ANTXR2: variants seen among roughly 807,000 people sequenced by gnomAD.
The protein encoded by ANTXR2 is anthrax toxin receptor 2.
ANTXR2 carries 44 observed loss-of-function variants against 73.7 expected under a neutral mutation model. That is an observed-to-expected ratio of 0.60 (90% CI 0.47 to 0.77). ANTXR2 has a LOEUF of 0.77. Ranked by LOEUF, ANTXR2 falls within the 30% of genes least tolerant of loss-of-function variation. ANTXR2 has a pLI of 0.00. For missense variants in ANTXR2, 604 were observed against 592.5 expected (o/e 1.02, Z -0.20); for synonymous variants, 217 against 205.9 (o/e 1.05, Z -0.46).
chr4:80,045,046 C>G (rs915413910), intron 7 of ANTXR2, among the ~76,000 whole-genome samples: 1 of 151,620 alleles, frequency 6.6e-6, no homozygotes, highest in African/African-American at 2.4e-5. Context: ...TTTTCAGTTA[C>G]ACACAGTGAA....
At chr4:79,993,760 G>GCGCACACACA (rs71662888) in intron 12 of ANTXR2, among the ~76,000 whole-genome samples, 2,269 of 140,582 alleles carry the variant, frequency 0.016, 22 homozygotes, top group Non-Finnish European at 0.021. Context: ...ACACACACAC[G>GCGCACACACA]CACACACACA....
chr4:80,017,677 T>C (rs1358269544), intron 11 of ANTXR2, among the ~76,000 whole-genome samples: 2 of 152,050 alleles, frequency 1.3e-5, no homozygotes, highest in Admixed American at 1.3e-4. Context: ...AGGTGTAGAA[T>C]AGGAAGAAGG....
upstream of ANTXR2, chr4:80,073,369 A>G (rs1734919650): frequency 6.6e-6 from 1 of 152,310 alleles, no homozygotes; most frequent in Non-Finnish European, 1.5e-5. Context: ...TTAGAAAAAC[A>G]AAAGTTATCT....
chr4:80,051,845 A>C (rs1473784633), intron 7 of ANTXR2, among the ~76,000 whole-genome samples: 1 of 151,724 alleles, frequency 6.6e-6, no homozygotes, highest in African/African-American at 2.4e-5. Context: ...TTTGCTATTA[A>C]GAAATTAATT....
chr4:80,011,270 GCTAT>G (rs34305853), intron 11 of ANTXR2, among the ~76,000 whole-genome samples: 36,619 of 148,968 alleles, frequency 0.25, 4,908 homozygotes, highest in African/African-American at 0.35. Context: ...ACCTGGTCTT[GCTAT>G]CTATCTATCT....
chr4:79,984,837 G>T lies in ANTXR2; in HGVS notation c.1068C>A (p.Pro356=), dbSNP rs72653288. 148,628 of 1,604,504 alleles carry T rather than the reference G, an allele frequency of 0.093. 7,444 individuals are homozygous for T. The highest frequency in any genetic ancestry group is 0.11 in the Non-Finnish European group (124,459 of 1,174,306). The stretch of plus-strand genomic sequence containing the variant: ...CACTTACCTCTTTTGGTGCAGGGGC[G>T]GGTGGTGGTGGAGGATCCTTAATAA... ...KVVIKDPPPP[P]APAPKEEEEE... The change falls in exon 13 of 17, where the codon CCC becomes CCA. Residue 356 remains proline (P), a synonymous_variant. Transcript: ENST00000403729.
At chr4:79,931,073 A>G (rs1219748966) in intron 16 of ANTXR2, among the ~76,000 whole-genome samples, 7 of 152,202 alleles carry the variant, frequency 4.6e-5, no homozygotes, top group African/African-American at 1.7e-4. Context: ...CCCATTTATC[A>G]ATACAAAGTC....
intron 7 of ANTXR2, among the ~76,000 whole-genome samples, chr4:80,037,942 G>A (rs149088340): frequency 6.6e-6 from 1 of 152,198 alleles, no homozygotes; most frequent in Admixed American, 6.5e-5. Flanking sequence ...CATCAGTCCT[G>A]AAGGAATTTA....
chr4:80,036,069 G>A (rs768743253), intron 7 of ANTXR2, 37 bp from the exon 8 acceptor site: 9 of 1,430,164 alleles, frequency 6.3e-6, no homozygotes, highest in Non-Finnish European at 7.5e-6. Context: ...CCAAGCTATA[G>A]ATCTAAAATT....
chr4:79,980,560 A>G (rs13138469), intron 14 of ANTXR2, among the ~76,000 whole-genome samples: 10,577 of 152,228 alleles, frequency 0.069, 451 homozygotes, highest in Middle Eastern at 0.11. Flanking sequence ...ATAAAATTCC[A>G]TAATTTCCAG....
intron 16 of ANTXR2, among the ~76,000 whole-genome samples, chr4:79,973,128 G>C (rs1029234565): frequency 6.6e-6 from 1 of 151,792 alleles, no homozygotes; most frequent in Non-Finnish European, 1.5e-5. Context: ...GAGGAAGGTG[G>C]GGAGGAAGGG....
chr4:79,944,374 ACT>A (rs1419065850), intron 16 of ANTXR2, among the ~76,000 whole-genome samples: 1 of 128,032 alleles, frequency 7.8e-6, no homozygotes, highest in Non-Finnish European at 1.6e-5. Context: ...AATAATTATT[ACT>A]GTTATACTTA....
chr4:80,069,569 A>C, intron 2 of ANTXR2, 62 bp from the exon 3 acceptor site: 8 of 1,283,400 alleles, frequency 6.2e-6, no homozygotes, highest in Non-Finnish European at 7.7e-6. Flanking sequence ...TACGATACAG[A>C]TGTATAGTTA....
intron 3 of ANTXR2, among the ~76,000 whole-genome samples, chr4:80,056,471 A>G (rs1456664558): frequency 3.3e-5 from 5 of 151,902 alleles, no homozygotes; most frequent in African/African-American, 1.2e-4. Context: ...TTTAGCCCTT[A>G]TTTACAGAAA....
intron 12 of ANTXR2, among the ~76,000 whole-genome samples, chr4:79,988,797 A>C (rs11561687): frequency 0.75 from 113,579 of 151,284 alleles, 42,891 homozygotes; most frequent in East Asian, 0.94. Context: ...CAATCACACT[A>C]GCAGAACACA....
At chr4:80,071,098 C>T (rs1191685300) in intron 2 of ANTXR2, among the ~76,000 whole-genome samples, 1 of 152,176 alleles carries the variant, frequency 6.6e-6, no homozygotes, top group East Asian at 1.9e-4. Context: ...TGTGTAAACA[C>T]AAGTCGTTGC....
intron 16 of ANTXR2, chr4:79,965,184 C>T (rs1221996460): frequency 2.0e-5 from 3 of 152,166 alleles, no homozygotes; most frequent in Non-Finnish European, 4.4e-5. Context: ...GTTCTAGGAA[C>T]GCTGATTTGT....
chr4:79,997,202 C>G (rs945136898), intron 12 of ANTXR2, among the ~76,000 whole-genome samples: 1 of 151,728 alleles, frequency 6.6e-6, no homozygotes, highest in Admixed American at 6.6e-5. Context: ...TTGATGCAAT[C>G]ATATGTTCCA....
chr4:80,025,930 A>G lies in ANTXR2; in HGVS notation c.866+5693T>C, dbSNP rs111623121. Reference sequence around the variant, plus strand: ...TTACTGGACATCACAGGAAAGCTGTATTATAATTGTTCTGAGTATTGCACT... The same window carrying G: ...TTACTGGACATCACAGGAAAGCTGTGTTATAATTGTTCTGAGTATTGCACT... On this transcript the variant is annotated intron_variant, in intron 10 of 16. Coordinates refer to ENST00000403729, the MANE Select transcript of ANTXR2 (RefSeq NM_058172.6). Among the ~76,000 whole-genome samples the G allele has an allele frequency of 7.3e-3, 1,113 of 152,318 alleles. 11 individuals carry two copies. Among genetic ancestry groups the G allele is most frequent in the African/African-American group, 0.025 (1,044 of 41,566 alleles).
Sources: allele counts gnomAD v4.1 joint callset (sites outside exome capture counted in the v4.1 genomes callset), GRCh38; gene constraint gnomAD v4.1.1; transcripts MANE v1.5; gene names NCBI Gene and HGNC (gene_info 2026-07-23, HGNC 2026-07-21).